FLI1: variants seen among roughly 807,000 people sequenced by gnomAD.
The protein encoded by FLI1 is Friend leukemia integration 1 transcription factor.
In FLI1, 13 loss-of-function variants were observed where a neutral mutation model predicts 53.1. The observed-to-expected ratio is 0.24, with a 90% CI of 0.16 to 0.39. The LOEUF (loss-of-function observed/expected upper bound fraction) is 0.39. Ranked by LOEUF, FLI1 falls within the 10% of genes least tolerant of loss-of-function variation. The pLI, the probability that FLI1 is intolerant of heterozygous loss-of-function variation, is 1.00. For missense variants in FLI1, 424 were observed against 600.5 expected (o/e 0.71, Z 3.07); for synonymous variants, 244 against 236.7 (o/e 1.03, Z -0.28).
At chr11:128,718,233 G>A (rs1939101732) in intron 1 of FLI1, among the ~76,000 whole-genome samples, 1 of 152,174 alleles carries the variant, frequency 6.6e-6, no homozygotes, top group Non-Finnish European at 1.5e-5. Flanking sequence ...GGTAGGCAGG[G>A]CAGCTATTAT....
intron 1 of FLI1, among the ~76,000 whole-genome samples, chr11:128,743,139 T>A (rs1940209824): frequency 6.6e-6 from 1 of 152,008 alleles, no homozygotes. Flanking sequence ...CGTAATCCTA[T>A]CACTTTGGGA....
chr11:128,783,377 A>G (rs959716699), intron 5 of FLI1, among the ~76,000 whole-genome samples: 1 of 152,240 alleles, frequency 6.6e-6, no homozygotes, highest in African/African-American at 2.4e-5. Flanking sequence ...CAGAACATTT[A>G]GTGGAAGAAT....
intron 1 of FLI1, among the ~76,000 whole-genome samples, chr11:128,698,237 A>G (rs2135696250): frequency 6.6e-6 from 1 of 152,312 alleles, no homozygotes; most frequent in South Asian, 2.1e-4. Flanking sequence ...TGTCCTCAAG[A>G]AGGTGTTGCT....
intron 1 of FLI1, among the ~76,000 whole-genome samples, chr11:128,729,743 C>T (rs1251628602): frequency 6.6e-6 from 1 of 152,192 alleles, no homozygotes; most frequent in Non-Finnish European, 1.5e-5. Context: ...ATTCCAAGAG[C>T]CCGGTTCTTG....
At chr11:128,755,028 C>T (rs1480420540) in intron 1 of FLI1, among the ~76,000 whole-genome samples, 1 of 152,204 alleles carries the variant, frequency 6.6e-6, no homozygotes, top group East Asian at 1.9e-4. Context: ...TAAGAAGTCT[C>T]TCCTGGGTCT....
chr11:128,735,212 C>T (rs182124903), intron 1 of FLI1, among the ~76,000 whole-genome samples: 17 of 152,284 alleles, frequency 1.1e-4, no homozygotes, highest in African/African-American at 4.1e-4. Context: ...TTTTCCTTGT[C>T]ATTATTATTA....
chr11:128,809,322 C>A (rs1942874964), intron 8 of FLI1, 118 bp downstream of exon 8: 1 of 823,982 alleles, frequency 1.2e-6, no homozygotes, highest in Non-Finnish European at 2.1e-6. Flanking sequence ...GCACGTCTTT[C>A]CTTGAAATGT....
intron 1 of FLI1, among the ~76,000 whole-genome samples, chr11:128,742,359 G>T (rs575964419): frequency 2.0e-5 from 3 of 152,346 alleles, no homozygotes; most frequent in African/African-American, 4.8e-5. Context: ...CTAAATTAAT[G>T]AATGCATCAG....
At chr11:128,693,941 CGAGAGAGAGAGAGAGAGAGAGA>C (rs57930585), upstream of FLI1, 1,995 of 176,296 alleles carry the variant, frequency 0.011, 4 homozygotes, top group Admixed American at 0.014. Flanking sequence ...GAGCTCGAGG[CGAGAGAGAGAGAGAGAGAGAGA>C]GAGAGAGAGA....
chr11:128,807,265 T>C, intron 7 of FLI1, 26 bp downstream of exon 7: 1 of 1,532,806 alleles, frequency 6.5e-7, no homozygotes, highest in Non-Finnish European at 8.9e-7. Context: ...ATGTAATCTC[T>C]CCTTTGCTTC....
chr11:128,807,125 G>T lies in FLI1; in HGVS notation c.722-55G>T, dbSNP rs1477204920. ...GAAAGCACATCTGTCAAGACGTCTT[G>T]CTCCCCTCGGGGAGCTGGGTCCTAC... is the stretch of plus-strand genomic sequence containing the variant. On this transcript the variant is annotated intron_variant, in intron 6 of 8. Coordinates refer to ENST00000527786, the MANE Select transcript of FLI1 (RefSeq NM_002017.5). 2.1e-5 allele frequency: 25 copies of T among 1,180,632 alleles called. No homozygotes were observed. In the South Asian group the frequency reaches 3.8e-4, roughly 18 times the overall value. The allele number at this position is 1,180,632 out of a possible 1,614,324, so 73.1% of individuals were successfully genotyped here.
chr11:128,748,134 A>C, intron 1 of FLI1: 22 of 317,096 alleles, frequency 6.9e-5, no homozygotes, highest in South Asian at 1.2e-4. Flanking sequence ...GGGAGGATGC[A>C]GAGATCCTCT....
intron 5 of FLI1, among the ~76,000 whole-genome samples, chr11:128,793,601 G>A (rs886238014): frequency 3.9e-5 from 6 of 152,176 alleles, no homozygotes; most frequent in African/African-American, 1.4e-4. Flanking sequence ...TCCAGGCCAG[G>A]CACTGCTCCT....
At chr11:128,807,271 G>A (rs757413805) in intron 7 of FLI1, 32 bp downstream of exon 7, 13 of 1,527,000 alleles carry the variant, frequency 8.5e-6, no homozygotes, top group Non-Finnish European at 9.0e-6. Flanking sequence ...TCTCTCCTTT[G>A]CTTCCTGCAC....
chr11:128,811,242 C>G lies in FLI1; in HGVS notation c.*254C>G. On this transcript the variant is annotated 3_prime_UTR_variant, in exon 9 of 9. Transcript: ENST00000527786. ...GTTTGAATTCTCAGTCTCCTAGCAT[C>G]TTGTGAGTTGCATATTAAGATTACT... The G allele has an allele frequency of 1.9e-6, 1 of 528,406 alleles. No individual in the cohort carries two copies. Among genetic ancestry groups the G allele is most frequent in the South Asian group, 2.4e-5 (1 of 41,006 alleles). 32.7% of individuals were successfully genotyped at this position (528,406 alleles called of 1,614,324 possible).
intron 1 of FLI1, among the ~76,000 whole-genome samples, chr11:128,754,449 C>T (rs1005902723): frequency 1.3e-5 from 2 of 152,180 alleles, no homozygotes; most frequent in Non-Finnish European, 2.9e-5. Context: ...AGAAAGGTTA[C>T]TTGCAGCAAA....
chr11:128,702,016 G>A (rs1157975578), intron 1 of FLI1, among the ~76,000 whole-genome samples: 2 of 152,290 alleles, frequency 1.3e-5, no homozygotes, highest in Middle Eastern at 3.4e-3. Flanking sequence ...AAACAAACAG[G>A]TTAATATTAG....
At chr11:128,698,708 T>TTGTG (rs1392799033) in intron 1 of FLI1, among the ~76,000 whole-genome samples, 105 of 79,254 alleles carry the variant, frequency 1.3e-3, no homozygotes, top group African/African-American at 5.5e-3. Context: ...GTGTATGTGT[T>TTGTG]TGCGTGTGTG....
At chr11:128,695,891 A>G (rs1381942826) in intron 1 of FLI1, 2 of 152,242 alleles carry the variant, frequency 1.3e-5, no homozygotes, top group Admixed American at 6.5e-5. Flanking sequence ...CCCTCGCCCC[A>G]ATCAGGACAG....
Sources: gnomAD v4.1 joint callset for allele counts (sites outside exome capture counted in the v4.1 genomes callset) on GRCh38, gnomAD v4.1.1 for gene constraint, MANE v1.5 for transcripts, NCBI Gene and HGNC (gene_info 2026-07-23, HGNC 2026-07-21) for gene names.